The following VEPH1 variants were observed in gnomAD, a reference collection of about 807,000 sequenced individuals.
VEPH1 encodes ventricular zone-expressed PH domain-containing protein homolog 1.
Under a neutral mutation model 85.2 loss-of-function variants are expected in VEPH1, and 80 were observed. The ratio of observed to expected loss-of-function variants is 0.94; its 90% CI spans 0.78 to 1.13. VEPH1 has a LOEUF of 1.13. Ranked by LOEUF, VEPH1 falls within the 50% of genes most tolerant of loss-of-function variation. The pLI, the probability that VEPH1 is intolerant of heterozygous loss-of-function variation, is 0.00. For synonymous variants in VEPH1, 297 were observed against 348.0 expected (o/e 0.85, Z 1.63); for missense variants, 955 against 980.5 (o/e 0.97, Z 0.35).
chr3:157,426,716 C>T (rs1296703875), intron 5 of VEPH1, among the ~76,000 whole-genome samples: 1 of 151,904 alleles, frequency 6.6e-6, no homozygotes, highest in Non-Finnish European at 1.5e-5. Context: ...TTGGTCTTAC[C>T]TGAGAAACTA....
chr3:157,291,124 C>T (rs2874616), intron 11 of VEPH1, among the ~76,000 whole-genome samples: 33,397 of 152,120 alleles, frequency 0.22, 4,465 homozygotes, highest in Admixed American at 0.41. Flanking sequence ...ATAGGATTGC[C>T]TTATGTGCAC....
At chr3:157,359,959 T>C (rs1052590652) in intron 9 of VEPH1, among the ~76,000 whole-genome samples, 3 of 152,338 alleles carry the variant, frequency 2.0e-5, no homozygotes, top group Non-Finnish European at 2.9e-5. Context: ...TAACTTTAAA[T>C]GTTTCAGAAG....
At chr3:157,493,430 T>C in intron 2 of VEPH1, 1 of 333,924 alleles carries the variant, frequency 3.0e-6, no homozygotes. Context: ...AGAGCAGGCA[T>C]GGTGGTTCCA....
At position 157,363,410 on chromosome 3, in the gene VEPH1, C is replaced by T; in HGVS notation, c.1689G>A (p.Met563Ile). The T allele has an allele frequency of 1.2e-6, 2 of 1,611,106 alleles. No individual in the cohort carries two copies. The highest frequency in any genetic ancestry group is 1.7e-6 in the Non-Finnish European group (2 of 1,179,342). ...KNLSKVKAYA[M>I]EIGKKIPVPD... is the part of the protein sequence containing the mutation. Reference sequence around the variant, plus strand: ...GGACTGGAATCTTCTTTCCAATTTCCATGGCATATGCTTTCACTTTGCTGA... The same window carrying T: ...GGACTGGAATCTTCTTTCCAATTTCTATGGCATATGCTTTCACTTTGCTGA... The change falls in exon 9 of 14, where the codon ATG (methionine) becomes ATA (isoleucine). Residue 563 changes from methionine (M) to isoleucine (I), a missense_variant. Coordinates refer to ENST00000362010, the MANE Select transcript of VEPH1 (RefSeq NM_001167912.2).
chr3:157,400,162 G>T (rs1015677632), intron 6 of VEPH1, among the ~76,000 whole-genome samples: 1 of 151,934 alleles, frequency 6.6e-6, no homozygotes, highest in Non-Finnish European at 1.5e-5. Flanking sequence ...AATAAATCAC[G>T]CTTAGTAAAA....
At chr3:157,289,649 T>C (rs1051574474) in intron 11 of VEPH1, among the ~76,000 whole-genome samples, 1 of 152,250 alleles carries the variant, frequency 6.6e-6, no homozygotes, top group African/African-American at 2.4e-5. Flanking sequence ...TCAGTAGTTC[T>C]CTCTCCTACT....
intron 7 of VEPH1, among the ~76,000 whole-genome samples, chr3:157,371,138 C>T (rs1043022972): frequency 1.3e-5 from 2 of 152,162 alleles, no homozygotes; most frequent in Non-Finnish European, 1.5e-5. Context: ...TTTTCCTGCT[C>T]AAAGCCAGGG....
intron 5 of VEPH1, among the ~76,000 whole-genome samples, chr3:157,425,561 T>C (rs1263281007): frequency 6.6e-6 from 1 of 152,204 alleles, no homozygotes; most frequent in Middle Eastern, 3.2e-3. Flanking sequence ...CAGACTTGCG[T>C]GGGACCTGTA....
At chr3:157,441,478 A>G (rs1335240788) in intron 4 of VEPH1, among the ~76,000 whole-genome samples, 1 of 152,194 alleles carries the variant, frequency 6.6e-6, no homozygotes, top group African/African-American at 2.4e-5. Context: ...AAAACTCTGC[A>G]AAGTTTACAA....
At chr3:157,298,816 T>C (rs1037100439) in intron 11 of VEPH1, among the ~76,000 whole-genome samples, 2 of 152,158 alleles carry the variant, frequency 1.3e-5, no homozygotes, top group African/African-American at 2.4e-5. Flanking sequence ...TAGAAATTAC[T>C]CCATATTCAT....
chr3:157,448,264 T>C (rs1369317919), intron 4 of VEPH1, among the ~76,000 whole-genome samples: 1 of 152,170 alleles, frequency 6.6e-6, no homozygotes, highest in Non-Finnish European at 1.5e-5. Context: ...AAAAGGAATT[T>C]GGACTCTTGA....
At chr3:157,337,109 A>G (rs1723043678) in intron 9 of VEPH1, among the ~76,000 whole-genome samples, 1 of 150,766 alleles carries the variant, frequency 6.6e-6, no homozygotes, top group South Asian at 2.1e-4. Context: ...GGCATTTTAT[A>G]TATTTATATA....
chr3:157,321,021 TA>T (rs1721290576), intron 9 of VEPH1, among the ~76,000 whole-genome samples: 1 of 152,058 alleles, frequency 6.6e-6, no homozygotes, highest in South Asian at 2.1e-4. Context: ...TATGCCATTA[TA>T]TATATATATT....
chr3:157,433,270 G>C (rs996181304), intron 4 of VEPH1, among the ~76,000 whole-genome samples: 5 of 152,126 alleles, frequency 3.3e-5, no homozygotes, highest in African/African-American at 9.7e-5. Context: ...TTGATGAATA[G>C]AGTCACTGTC....
chr3:157,366,416 T>TA (rs1291683292), intron 7 of VEPH1, among the ~76,000 whole-genome samples: 20 of 151,336 alleles, frequency 1.3e-4, no homozygotes, highest in Admixed American at 4.6e-4. Flanking sequence ...AAAACATCCT[T>TA]AAAAAAACAA....
chr3:157,448,030 G>A (rs1349848921), intron 4 of VEPH1, among the ~76,000 whole-genome samples: 1 of 151,836 alleles, frequency 6.6e-6, no homozygotes, highest in African/African-American at 2.4e-5. Flanking sequence ...TATGGGCCCA[G>A]AATTGTACAA....
intron 9 of VEPH1, among the ~76,000 whole-genome samples, chr3:157,361,962 A>G (rs758573204): frequency 1.3e-5 from 2 of 152,202 alleles, no homozygotes; most frequent in African/African-American, 4.8e-5. Flanking sequence ...ACGTTCCACT[A>G]TGACTCAGTA....
At chr3:157,489,349 A>G in intron 2 of VEPH1, 1 of 360,040 alleles carries the variant, frequency 2.8e-6, no homozygotes, top group South Asian at 2.1e-5. Context: ...GGACTTTTGT[A>G]CTTAATGGTC....
chr3:157,290,858 A>T (rs1267010998), intron 11 of VEPH1, among the ~76,000 whole-genome samples: 2 of 152,248 alleles, frequency 1.3e-5, no homozygotes, highest in Non-Finnish European at 1.5e-5. Flanking sequence ...AAACTCTATA[A>T]TAAGTCTAAG....
Sources: gnomAD v4.1 joint callset for allele counts (sites outside exome capture counted in the v4.1 genomes callset) on GRCh38, gnomAD v4.1.1 for gene constraint, MANE v1.5 for transcripts, NCBI Gene and HGNC (gene_info 2026-07-23, HGNC 2026-07-21) for gene names.